The following SYN3 variants were observed in gnomAD, a reference collection of about 807,000 sequenced individuals.
SYN3 encodes the protein synapsin-3.
A neutral mutation model predicts 65.8 loss-of-function variants in SYN3; 35 were observed. That is an observed-to-expected ratio of 0.53 (90% CI 0.41 to 0.70). SYN3 has a LOEUF of 0.70. Among genes scored for constraint, SYN3 ranks in the 30% least tolerant of loss-of-function variants. SYN3 has a pLI of 0.00. For synonymous variants in SYN3, 270 were observed against 292.9 expected, an observed-to-expected ratio of 0.92 and a Z score of 0.80; for missense variants, 680 against 749.0, an observed-to-expected ratio of 0.91 and a Z score of 1.08.
At chr22:33,050,396 T>A (rs753304141) in intron 1 of SYN3, among the ~76,000 whole-genome samples, 5 of 148,318 alleles carry the variant, frequency 3.4e-5, no homozygotes, top group Non-Finnish European at 7.4e-5. Context: ...GACATGAGAA[T>A]CTCTGAGCCT....
intron 1 of SYN3, among the ~76,000 whole-genome samples, chr22:33,032,154 G>C (rs2053766058): frequency 6.6e-6 from 1 of 151,604 alleles, no homozygotes; most frequent in Non-Finnish European, 1.5e-5. Context: ...TGGTTGCAGT[G>C]ACCTGAGTCT....
intron 4 of SYN3, among the ~76,000 whole-genome samples, chr22:32,909,760 C>T (rs2050002340): frequency 2.0e-5 from 3 of 152,066 alleles, no homozygotes; most frequent in Non-Finnish European, 2.9e-5. Context: ...GCCTTCTCTC[C>T]TCTTTGAGCT....
intron 6 of SYN3, among the ~76,000 whole-genome samples, chr22:32,857,587 T>G (rs1287732268): frequency 1.3e-5 from 2 of 152,244 alleles, no homozygotes; most frequent in Admixed American, 1.3e-4. Flanking sequence ...GGAAATCTCC[T>G]AATTTGTAGC....
At chr22:32,623,194 T>C (rs1016729935) in intron 6 of SYN3, among the ~76,000 whole-genome samples, 4 of 152,062 alleles carry the variant, frequency 2.6e-5, no homozygotes, top group Admixed American at 1.3e-4. Flanking sequence ...GTCATAGTTT[T>C]TTTTTCAATG....
intron 1 of SYN3, among the ~76,000 whole-genome samples, chr22:33,008,594 C>T (rs910339032): frequency 6.6e-6 from 1 of 152,002 alleles, no homozygotes; most frequent in Admixed American, 6.6e-5. Context: ...GGATAAACCA[C>T]AAATTGCTAC....
At chr22:33,035,776 C>T (rs937892350) in intron 1 of SYN3, among the ~76,000 whole-genome samples, 1 of 152,088 alleles carries the variant, frequency 6.6e-6, no homozygotes, top group Non-Finnish European at 1.5e-5. Context: ...AGACAGGGGT[C>T]TTGATATGTT....
chr22:33,001,971 T>C (rs1370007265), intron 2 of SYN3, among the ~76,000 whole-genome samples: 1 of 152,038 alleles, frequency 6.6e-6, no homozygotes, highest in Non-Finnish European at 1.5e-5. Flanking sequence ...ACACTCAAAA[T>C]CAAGGTCAAA....
intron 6 of SYN3, among the ~76,000 whole-genome samples, chr22:32,813,598 T>C (rs1005044503): frequency 1.3e-5 from 2 of 151,810 alleles, no homozygotes; most frequent in Non-Finnish European, 2.9e-5. Flanking sequence ...AGTTTTGTGA[T>C]CTGGAATCCA....
chr22:32,694,134 G>A (rs2060704660), intron 6 of SYN3, among the ~76,000 whole-genome samples: 1 of 151,472 alleles, frequency 6.6e-6, no homozygotes, highest in Non-Finnish European at 1.5e-5. Context: ...GATTTGGAAG[G>A]TTTATAGTCT....
chr22:32,562,961 A>T (rs940868671), intron 7 of SYN3, among the ~76,000 whole-genome samples: 2 of 152,244 alleles, frequency 1.3e-5, no homozygotes, highest in African/African-American at 2.4e-5. Flanking sequence ...TCACTGGGTG[A>T]CCTTGGGCAA....
chr22:32,645,451 G>GGA (rs2059970333), intron 6 of SYN3, among the ~76,000 whole-genome samples: 1 of 136,806 alleles, frequency 7.3e-6, no homozygotes, highest in African/African-American at 2.6e-5. Context: ...AACTCCGTCT[G>GGA]AAAAAAAAAA....
At chr22:32,767,385 T>TCACACA (rs10527431) in intron 6 of SYN3, among the ~76,000 whole-genome samples, 10 of 151,084 alleles carry the variant, frequency 6.6e-5, no homozygotes, top group African/African-American at 9.7e-5. Flanking sequence ...GCTGGTGACT[T>TCACACA]CACACACACA....
At chr22:32,842,775 T>C (rs2047949686) in intron 6 of SYN3, among the ~76,000 whole-genome samples, 1 of 152,136 alleles carries the variant, frequency 6.6e-6, no homozygotes, top group Admixed American at 6.5e-5. Flanking sequence ...AGCACAAAGG[T>C]CTAAACAGAT....
At chr22:32,782,494 G>A (rs982951219) in intron 6 of SYN3, among the ~76,000 whole-genome samples, 2 of 150,564 alleles carry the variant, frequency 1.3e-5, no homozygotes, top group Non-Finnish European at 3.0e-5. Context: ...GATCTACCAC[G>A]CCTGGCCAGG....
chr22:32,951,189 C>A (rs940311665), intron 3 of SYN3, among the ~76,000 whole-genome samples: 1 of 152,154 alleles, frequency 6.6e-6, no homozygotes, highest in Non-Finnish European at 1.5e-5. Flanking sequence ...GATGCCTCCC[C>A]CCATCCCCCT....
intron 3 of SYN3, among the ~76,000 whole-genome samples, chr22:32,941,494 A>G (rs2050937019): frequency 1.3e-5 from 2 of 152,006 alleles, no homozygotes; most frequent in African/African-American, 2.4e-5. Flanking sequence ...GAATAGGAAC[A>G]GCTCCAGTCT....
intron 6 of SYN3, among the ~76,000 whole-genome samples, chr22:32,840,814 G>A (rs915010378): frequency 6.6e-6 from 1 of 152,180 alleles, no homozygotes. Context: ...GCTCTGTCCT[G>A]GCTTTCCGTC....
intron 3 of SYN3, among the ~76,000 whole-genome samples, chr22:32,959,771 T>A (rs886554653): frequency 2.0e-5 from 3 of 152,036 alleles, no homozygotes; most frequent in Admixed American, 6.6e-5. Flanking sequence ...ATTTTTAAAA[T>A]TTTTTTGTAA....
At chr22:32,708,533 G>A (rs1017381963) in intron 6 of SYN3, among the ~76,000 whole-genome samples, 1 of 152,174 alleles carries the variant, frequency 6.6e-6, no homozygotes, top group African/African-American at 2.4e-5. Flanking sequence ...GTCTCTCCCT[G>A]CTGAGGCTTA....
Sources: allele counts gnomAD v4.1 joint callset (sites outside exome capture counted in the v4.1 genomes callset), GRCh38; gene constraint gnomAD v4.1.1; transcripts MANE v1.5; gene names NCBI Gene and HGNC (gene_info 2026-07-23, HGNC 2026-07-21).